LRRC4C: variants seen among roughly 807,000 people sequenced by gnomAD.
The protein encoded by LRRC4C is leucine rich repeat containing 4C, also known as leucine-rich repeat-containing protein 4C.
In LRRC4C, 5 loss-of-function variants were observed where a neutral mutation model predicts 33.6. The ratio of observed to expected loss-of-function variants is 0.15; its 90% confidence interval spans 0.08 to 0.31. The LOEUF is 0.31. Ranked by LOEUF, LRRC4C falls within the 10% of genes least tolerant of loss-of-function variation. The probability of loss-of-function intolerance (pLI) is 1.00; values close to 1 mark genes in which losing one functional copy is unlikely to be tolerated. For missense variants in LRRC4C, 560 were observed against 796.7 expected, an observed-to-expected ratio of 0.70 and a Z score of 3.58; for synonymous variants, 329 against 302.0, an observed-to-expected ratio of 1.09 and a Z score of -0.93.
At chr11:40,399,566 G>T in intron 3 of LRRC4C, among the ~76,000 whole-genome samples, 1 of 151,996 alleles carries the variant, frequency 6.6e-6, no homozygotes, top group East Asian at 1.9e-4. Flanking sequence ...ATAGCATTAG[G>T]AGATATACCT....
In LRRC4C at chr11:41,159,788, A is replaced by G. The variant is rs540382614; in HGVS notation, c.-495-226065T>C. Among the ~76,000 whole-genome samples, 12 of 152,264 alleles carry G rather than the reference A, an allele frequency of 7.9e-5. No homozygotes were observed. The East Asian group carries it at 2.3e-3, about 29-fold the overall frequency. ...CTTTTTATACTGGAAAGGTCAATCA[A>G]ATTTATCAAAAGAGAAGTGAAAACA... On this transcript the variant is annotated intron_variant, in intron 1 of 6. Transcript: ENST00000528697.
At chr11:41,281,607 CAG>C (rs1324088118) in intron 1 of LRRC4C, among the ~76,000 whole-genome samples, 1 of 152,206 alleles carries the variant, frequency 6.6e-6, no homozygotes, top group Non-Finnish European at 1.5e-5. Flanking sequence ...TGCTACACAT[CAG>C]AGTCATGTGG....
At chr11:41,148,732 A>G (rs890290084) in intron 1 of LRRC4C, among the ~76,000 whole-genome samples, 1 of 152,020 alleles carries the variant, frequency 6.6e-6, no homozygotes, top group Non-Finnish European at 1.5e-5. Context: ...GATTCTATTC[A>G]CATCACATAC....
intron 2 of LRRC4C, among the ~76,000 whole-genome samples, chr11:40,828,292 C>A (rs10768637): frequency 0.73 from 110,375 of 151,426 alleles, 41,285 homozygotes; most frequent in East Asian, 0.86. Context: ...TATACTATTT[C>A]TTTTTCTCCA....
intron 2 of LRRC4C, among the ~76,000 whole-genome samples, chr11:40,795,120 C>T (rs1209173649): frequency 6.6e-6 from 1 of 152,076 alleles, no homozygotes; most frequent in Non-Finnish European, 1.5e-5. Context: ...GCTTACAAAG[C>T]AATAACATAC....
At chr11:40,863,242 C>T (rs879698779) in intron 2 of LRRC4C, among the ~76,000 whole-genome samples, 6 of 152,154 alleles carry the variant, frequency 3.9e-5, no homozygotes, top group African/African-American at 1.2e-4. Flanking sequence ...GGTCTACTTA[C>T]CAAGAATATC....
At chr11:41,064,173 C>A (rs115329283) in intron 1 of LRRC4C, among the ~76,000 whole-genome samples, 282 of 152,286 alleles carry the variant, frequency 1.9e-3, no homozygotes, top group African/African-American at 6.6e-3. Context: ...CAGATAGGTA[C>A]CACTTTGTAA....
intron 1 of LRRC4C, among the ~76,000 whole-genome samples, chr11:41,329,331 T>C (rs1375162238): frequency 6.6e-6 from 1 of 152,218 alleles, no homozygotes; most frequent in African/African-American, 2.4e-5. Flanking sequence ...CCAAAATTTC[T>C]AGCTACCTAA....
At chr11:40,945,196 A>AT (rs1455512388) in intron 1 of LRRC4C, among the ~76,000 whole-genome samples, 38 of 100,220 alleles carry the variant, frequency 3.8e-4, no homozygotes, top group South Asian at 3.0e-3. Flanking sequence ...CGCCCGGCTA[A>AT]TTTTTTTGTA....
chr11:41,202,997 G>A (rs1946461109), intron 1 of LRRC4C, among the ~76,000 whole-genome samples: 2 of 152,108 alleles, frequency 1.3e-5, no homozygotes, highest in Admixed American at 1.3e-4. Context: ...TGTTGGTCAG[G>A]CTGGTCTTGA....
At chr11:41,432,645 A>AACAAACAT (rs1955279873) in intron 1 of LRRC4C, among the ~76,000 whole-genome samples, 1 of 152,140 alleles carries the variant, frequency 6.6e-6, no homozygotes, top group South Asian at 2.1e-4. Flanking sequence ...GGAAATGCAC[A>AACAAACAT]GCAAACATAC....
chr11:40,690,953 G>C (rs182438685), intron 2 of LRRC4C, among the ~76,000 whole-genome samples: 3 of 152,162 alleles, frequency 2.0e-5, no homozygotes, highest in Admixed American at 2.0e-4. Flanking sequence ...GCAAGAAGCA[G>C]TGATGAATGA....
chr11:40,825,299 T>C (rs1201064450), intron 2 of LRRC4C, among the ~76,000 whole-genome samples: 2 of 151,920 alleles, frequency 1.3e-5, no homozygotes, highest in African/African-American at 4.8e-5. Context: ...AAATGATGAA[T>C]ACGTGATTAC....
intron 1 of LRRC4C, among the ~76,000 whole-genome samples, chr11:40,953,828 A>C (rs1435676340): frequency 1.3e-5 from 2 of 151,894 alleles, no homozygotes; most frequent in Admixed American, 1.3e-4. Context: ...CTACCATAGC[A>C]TATAGTTTTA....
chr11:40,483,736 T>C (rs1344717072), intron 3 of LRRC4C, among the ~76,000 whole-genome samples: 1 of 151,352 alleles, frequency 6.6e-6, no homozygotes, highest in Non-Finnish European at 1.5e-5. Context: ...AAATGATTTT[T>C]AAATGTAATT....
chr11:41,126,558 A>T (rs752099422), intron 1 of LRRC4C, among the ~76,000 whole-genome samples: 1 of 152,042 alleles, frequency 6.6e-6, no homozygotes, highest in Non-Finnish European at 1.5e-5. Flanking sequence ...GGCCAGCAGC[A>T]TATTGCTATA....
Position 40,517,744 on chromosome 11 carries a change from GAA to G in LRRC4C, c.-270+130396_-270+130397del, listed in dbSNP as rs34257872. On this transcript the variant is annotated intron_variant, in intron 3 of 6. Coordinates refer to ENST00000528697, the MANE Select transcript of LRRC4C (RefSeq NM_001258419.2). Reference sequence around the variant, plus strand: ...TTGACTTTCTTCACAGAATTGGGGGGAAAAAAAAAAAACTACTTTAAACTTCA... The same window carrying G: ...TTGACTTTCTTCACAGAATTGGGGGGAAAAAAAAAACTACTTTAAACTTCA... Among the ~76,000 whole-genome samples, 1,039 of 147,010 alleles carry G rather than the reference GAA, an allele frequency of 7.1e-3. 17 individuals carry two copies. The highest frequency in any genetic ancestry group is 0.024 in the African/African-American group (974 of 39,804).
intron 4 of LRRC4C, among the ~76,000 whole-genome samples, chr11:40,305,482 A>T (rs1210240224): frequency 6.6e-6 from 1 of 152,218 alleles, no homozygotes; most frequent in African/African-American, 2.4e-5. Flanking sequence ...TAATATTGAT[A>T]AGAAGTCGAG....
chr11:41,009,280 A>G (rs1162888771), intron 1 of LRRC4C, among the ~76,000 whole-genome samples: 2 of 151,940 alleles, frequency 1.3e-5, no homozygotes, highest in Admixed American at 6.6e-5. Context: ...TATATCCAAA[A>G]CAATGTGTGT....
Sources: gnomAD v4.1 joint callset for allele counts (sites outside exome capture counted in the v4.1 genomes callset) on GRCh38, gnomAD v4.1.1 for gene constraint, MANE v1.5 for transcripts, NCBI Gene and HGNC (gene_info 2026-07-23, HGNC 2026-07-21) for gene names.